The following CUL5 variants were observed in gnomAD, a reference collection of about 807,000 sequenced individuals.
The protein encoded by CUL5 is cullin-5.
In CUL5, 26 loss-of-function variants were observed where a neutral mutation model predicts 108.8. The observed-to-expected ratio is 0.24, with a 90% CI of 0.18 to 0.33. The LOEUF is 0.33. CUL5 is among the 10% of genes least tolerant of loss of function. CUL5 has a pLI of 1.00. For missense variants in CUL5, 524 were observed against 909.2 expected, an observed-to-expected ratio of 0.58 and a Z score of 5.45; for synonymous variants, 334 against 298.0, an observed-to-expected ratio of 1.12 and a Z score of -1.25.
In CUL5 at chr11:108,088,422, A is replaced by G. The variant is rs1181087563; in HGVS notation, c.1179-105A>G. ...TATCCTAGTTCCAAACCTGATCACT[A>G]GATTATTTAACATGAGAAATTCGCT... is the stretch of plus-strand genomic sequence containing the variant. On this transcript the variant is annotated intron_variant, in intron 11 of 18. Coordinates refer to ENST00000393094, the MANE Select transcript of CUL5 (RefSeq NM_003478.6). 19 of 1,245,568 alleles carry G rather than the reference A, an allele frequency of 1.5e-5. No individual in the cohort carries two copies. In the South Asian group the frequency reaches 1.8e-4, roughly 12 times the overall value. 77.2% of individuals were successfully genotyped at this position (1,245,568 alleles called of 1,614,324 possible). A position where few individuals can be genotyped will look rare whatever the true frequency, so the allele number is the denominator to read the frequency against.
intron 11 of CUL5, among the ~76,000 whole-genome samples, chr11:108,082,297 T>G (rs1360128123): frequency 6.6e-6 from 1 of 151,586 alleles, no homozygotes; most frequent in African/African-American, 2.4e-5. Context: ...TTTTTTTTTT[T>G]TTAAGACAGG....
intron 1 of CUL5, among the ~76,000 whole-genome samples, chr11:108,026,881 C>T (rs1014445393): frequency 2.0e-5 from 3 of 149,796 alleles, no homozygotes; most frequent in East Asian, 2.0e-4. Context: ...CCCAGCTACT[C>T]GGGAGGCTGA....
intron 5 of CUL5, among the ~76,000 whole-genome samples, chr11:108,053,802 C>T (rs1863303482): frequency 1.3e-5 from 2 of 151,678 alleles, no homozygotes; most frequent in Admixed American, 1.3e-4. Context: ...TCTCAGTGTC[C>T]TGAGTAGCTG....
intron 1 of CUL5, among the ~76,000 whole-genome samples, chr11:108,032,353 C>T (rs894727208): frequency 6.6e-6 from 1 of 151,950 alleles, no homozygotes; most frequent in Non-Finnish European, 1.5e-5. Context: ...CAAAAAAATA[C>T]AACAATTAGC....
intron 15 of CUL5, among the ~76,000 whole-genome samples, chr11:108,095,271 G>A (rs1381275690): frequency 1.3e-5 from 2 of 152,130 alleles, no homozygotes; most frequent in Non-Finnish European, 2.9e-5. Context: ...TTTCATTAGG[G>A]ACAACTTCTA....
At chr11:108,056,285 A>G (rs1335326519) in intron 7 of CUL5, among the ~76,000 whole-genome samples, 1 of 152,172 alleles carries the variant, frequency 6.6e-6, no homozygotes, top group Non-Finnish European at 1.5e-5. Flanking sequence ...CATTCTCAGG[A>G]ATAACATTCT....
intron 1 of CUL5, among the ~76,000 whole-genome samples, chr11:108,010,564 A>G (rs1362173756): frequency 2.0e-5 from 3 of 152,242 alleles, no homozygotes; most frequent in Non-Finnish European, 4.4e-5. Flanking sequence ...AAGTTTCCTT[A>G]TGAGTAGGAC....
chr11:108,039,450 AAC>A (rs1473414045), intron 2 of CUL5, among the ~76,000 whole-genome samples: 1 of 152,232 alleles, frequency 6.6e-6, no homozygotes, highest in African/African-American at 2.4e-5. Context: ...CTTCTAGGGG[AAC>A]AATACCTTCC....
At chr11:108,097,834 C>T (rs909059242) in intron 17 of CUL5, 80 bp downstream of exon 17, 2 of 751,884 alleles carry the variant, frequency 2.7e-6, no homozygotes. Context: ...AATTGTTTTC[C>T]TTACATTATA....
intron 7 of CUL5, among the ~76,000 whole-genome samples, chr11:108,060,573 C>T (rs775415971): frequency 1.8e-4 from 27 of 152,062 alleles, no homozygotes; most frequent in Non-Finnish European, 2.4e-4. Context: ...CCGTGGCCCA[C>T]GCCTCTAATC....
chr11:108,073,967 C>T (rs1311222223), intron 10 of CUL5: 3 of 152,850 alleles, frequency 2.0e-5, no homozygotes, highest in Non-Finnish European at 4.4e-5. Context: ...TATTGCATAC[C>T]ATCTTTTTCC....
intron 10 of CUL5, among the ~76,000 whole-genome samples, chr11:108,074,576 G>T (rs978710772): frequency 6.6e-6 from 1 of 151,928 alleles, no homozygotes; most frequent in East Asian, 2.0e-4. Context: ...AGGCCAGGGC[G>T]GGTGGATCAC....
At chr11:108,054,373 T>C (rs1470035842) in intron 5 of CUL5, among the ~76,000 whole-genome samples, 1 of 152,252 alleles carries the variant, frequency 6.6e-6, no homozygotes, top group Non-Finnish European at 1.5e-5. Flanking sequence ...CCATTGCTTC[T>C]GTGAATGTTT....
intron 2 of CUL5, among the ~76,000 whole-genome samples, chr11:108,040,605 C>G: frequency 1.1e-5 from 1 of 87,256 alleles, no homozygotes. Flanking sequence ...GAGTGAGACT[C>G]CGTCTCAAAA....
chr11:108,011,560 C>G (rs988042924), intron 1 of CUL5, among the ~76,000 whole-genome samples: 4 of 151,912 alleles, frequency 2.6e-5, no homozygotes, highest in Non-Finnish European at 4.4e-5. Flanking sequence ...AGTGAACTTT[C>G]TTGATGTGTA....
chr11:108,102,474 G>A (rs980645464), intron 18 of CUL5, among the ~76,000 whole-genome samples: 26 of 152,178 alleles, frequency 1.7e-4, no homozygotes, highest in African/African-American at 4.3e-4. Flanking sequence ...CCACAGGCGC[G>A]TGCCACCATA....
At chr11:108,088,812 G>A (rs947723804) in intron 12 of CUL5, among the ~76,000 whole-genome samples, 153 bp downstream of exon 12, 7 of 151,598 alleles carry the variant, frequency 4.6e-5, no homozygotes, top group African/African-American at 1.5e-4. Context: ...CCTCTCGGGG[G>A]GTTATTTTTC....
rs191370845 is a variant in CUL5 at position 108,057,115 on chromosome 11, T to G, written c.780+2160T>G. On this transcript the variant is annotated intron_variant, in intron 7 of 18. Coordinates refer to ENST00000393094, the MANE Select transcript of CUL5 (RefSeq NM_003478.6). Reference sequence around the variant, plus strand: ...TCATATCATAGCCACATTAAACTTATGAACTTTCAACTGTAAAAGGCCAAC... The same window carrying G: ...TCATATCATAGCCACATTAAACTTAGGAACTTTCAACTGTAAAAGGCCAAC... Among the ~76,000 whole-genome samples, 4 of 152,352 alleles carry G rather than the reference T, an allele frequency of 2.6e-5. No homozygotes were observed. The South Asian group carries it at 8.3e-4, about 32-fold the overall frequency.
At chr11:108,062,934 C>G (rs1313427735) in intron 7 of CUL5, among the ~76,000 whole-genome samples, 1 of 152,170 alleles carries the variant, frequency 6.6e-6, no homozygotes, top group Non-Finnish European at 1.5e-5. Flanking sequence ...CAACCTCCGC[C>G]TCCTGGGTTC....
Sources: gnomAD v4.1 joint callset for allele counts (sites outside exome capture counted in the v4.1 genomes callset) on GRCh38, gnomAD v4.1.1 for gene constraint, MANE v1.5 for transcripts, NCBI Gene and HGNC (gene_info 2026-07-23, HGNC 2026-07-21) for gene names.